The following STOX2 variants were observed in gnomAD, a reference collection of about 807,000 sequenced individuals.
STOX2 encodes storkhead-box protein 2.
STOX2 carries 28 observed loss-of-function variants against 60.9 expected under a neutral mutation model. The ratio of observed to expected loss-of-function variants is 0.46; its 90% confidence interval spans 0.34 to 0.63. The LOEUF is 0.63. Ranked by LOEUF, STOX2 falls within the 30% of genes least tolerant of loss-of-function variation. STOX2 has a pLI of 0.01. For synonymous variants in STOX2, 472 were observed against 463.9 expected (o/e 1.02, Z -0.22); for missense variants, 1,024 against 1,187.7 (o/e 0.86, Z 2.03).
intron 1 of STOX2, among the ~76,000 whole-genome samples, chr4:183,954,990 C>A (rs535515088): frequency 6.6e-6 from 1 of 152,352 alleles, no homozygotes; most frequent in South Asian, 2.1e-4. Flanking sequence ...CTTGAACTAC[C>A]ACGCCCGGCC....
chr4:183,861,573 G>A (rs1740447545), intron 1 of STOX2, among the ~76,000 whole-genome samples: 1 of 152,142 alleles, frequency 6.6e-6, no homozygotes, highest in African/African-American at 2.4e-5. Context: ...CACTGGCTTG[G>A]GATTGCAGTT....
Position 183,856,156 on chromosome 4 carries a change from C to G in STOX2, c.364+58101C>G, listed in dbSNP as rs1740281894. 6.6e-6 allele frequency among the ~76,000 whole-genome samples: 1 copy of G among 152,146 alleles called. No homozygotes were observed. On this transcript the variant is annotated intron_variant, in intron 1 of 2. Transcript: ENST00000513034. The surrounding 1 kb of genome is among the most constrained non-coding windows in gnomAD (Gnocchi z 4.0). ...TCTCGAATAGGCTGGTCACAGATTT[C>G]TAGGACACTGAGGCCCATTTAGTGT...
At chr4:183,952,290 C>A (rs1743119326) in intron 1 of STOX2, among the ~76,000 whole-genome samples, 1 of 152,320 alleles carries the variant, frequency 6.6e-6, no homozygotes, top group East Asian at 1.9e-4. Flanking sequence ...ATCCAGGATT[C>A]ATATACTATT....
At chr4:183,949,971 C>T (rs752608189) in intron 1 of STOX2, among the ~76,000 whole-genome samples, 1 of 152,144 alleles carries the variant, frequency 6.6e-6, no homozygotes, top group Non-Finnish European at 1.5e-5. Flanking sequence ...TTTGAGGGTT[C>T]CTACTGACAG....
intron 1 of STOX2, among the ~76,000 whole-genome samples, chr4:183,945,788 G>T (rs1742869983): frequency 6.6e-6 from 1 of 152,186 alleles, no homozygotes; most frequent in Admixed American, 6.5e-5. Context: ...CTTGTCCTCA[G>T]TCGGTGTGTT....
chr4:183,963,588 G>A (rs1299227099), intron 1 of STOX2, among the ~76,000 whole-genome samples: 8 of 151,306 alleles, frequency 5.3e-5, no homozygotes, highest in Non-Finnish European at 1.2e-4. Flanking sequence ...CACCACACCC[G>A]GCTAATTTTT....
In STOX2 at chr4:184,005,473, A is replaced by AC. The variant is rs1263435704; in HGVS notation, c.320-3685_320-3684insC. Among the ~76,000 whole-genome samples the AC allele has an allele frequency of 4.7e-4, 47 of 100,314 alleles. 3 individuals are homozygous for AC. The highest frequency in any genetic ancestry group is 8.7e-4 in the Non-Finnish European group (35 of 40,302). 65.8% of individuals were successfully genotyped at this position (100,314 alleles called of 152,430 possible). A position where few individuals can be genotyped will look rare whatever the true frequency, so the allele number is the denominator to read the frequency against. On this transcript the variant is annotated intron_variant, in intron 2 of 3. Coordinates refer to ENST00000308497, the MANE Select transcript of STOX2 (RefSeq NM_020225.3). Reference sequence around the variant, plus strand: ...ACGATATCTCAAAAAAAAAAAAAAAAAAATTCATAGGTATAAGTAGACCAC... The same window carrying AC: ...ACGATATCTCAAAAAAAAAAAAAAAACAAATTCATAGGTATAAGTAGACCAC...
At chr4:183,967,753 A>T (rs1472237058) in intron 1 of STOX2, among the ~76,000 whole-genome samples, 1 of 152,258 alleles carries the variant, frequency 6.6e-6, no homozygotes, top group Non-Finnish European at 1.5e-5. Context: ...GATTAAAAAG[A>T]TCATCAACTT....
At chr4:183,946,299 C>G (rs917328258) in intron 1 of STOX2, among the ~76,000 whole-genome samples, 1 of 152,182 alleles carries the variant, frequency 6.6e-6, no homozygotes, top group Non-Finnish European at 1.5e-5. Context: ...TTTCCTCACT[C>G]GCACAGTGAC....
At chr4:183,862,733 C>A (rs1332679870) in intron 1 of STOX2, among the ~76,000 whole-genome samples, 2 of 152,196 alleles carry the variant, frequency 1.3e-5, no homozygotes, top group Non-Finnish European at 2.9e-5. Context: ...GTTTTAAGAT[C>A]AAGGGTAATT....
chr4:183,971,700 T>TA (rs1743747248), intron 1 of STOX2, among the ~76,000 whole-genome samples: 1 of 152,198 alleles, frequency 6.6e-6, no homozygotes, highest in South Asian at 2.1e-4. Flanking sequence ...ATAAAACTTG[T>TA]AAAAAATCTC....
At chr4:183,800,350 T>C (rs549055432) in intron 1 of STOX2, among the ~76,000 whole-genome samples, 2 of 152,270 alleles carry the variant, frequency 1.3e-5, no homozygotes, top group South Asian at 4.1e-4. Context: ...GGATCCTGGC[T>C]GAAACTCTGC....
intron 1 of STOX2, among the ~76,000 whole-genome samples, chr4:183,824,253 T>C (rs943638642): frequency 1.3e-5 from 2 of 152,230 alleles, no homozygotes; most frequent in South Asian, 4.1e-4. Context: ...ATAGCAATTT[T>C]TTTTTCTGGG....
chr4:183,930,655 C>A (rs28548141), intron 1 of STOX2, among the ~76,000 whole-genome samples: 38,286 of 152,114 alleles, frequency 0.25, 9,046 homozygotes, highest in African/African-American at 0.62. Context: ...ATTGCTCTGG[C>A]CATAACTTTT....
At chr4:183,826,764 T>G (rs1206301600) in intron 1 of STOX2, among the ~76,000 whole-genome samples, 1 of 152,236 alleles carries the variant, frequency 6.6e-6, no homozygotes, top group Non-Finnish European at 1.5e-5. Flanking sequence ...ACAAATGCTA[T>G]TTCTCTTTCT....
chr4:183,824,645 A>T (rs1325233495), intron 1 of STOX2, among the ~76,000 whole-genome samples: 1 of 152,370 alleles, frequency 6.6e-6, no homozygotes, highest in East Asian at 1.9e-4. Flanking sequence ...TTTATTTGAC[A>T]TGGGATAAAG....
rs1733073297 is a variant in STOX2, at chr4:183,990,727, T to G, written c.167-10598T>G. ...ATGCATGCCACTCTAGAAGTTGTGATGGTTCTTACCCTGAGACAGTGTCAC... is the reference window on the plus strand; with the variant it reads ...ATGCATGCCACTCTAGAAGTTGTGAGGGTTCTTACCCTGAGACAGTGTCAC... On this transcript the variant is annotated intron_variant, in intron 1 of 3. Transcript: ENST00000308497. Among the ~76,000 whole-genome samples, 4 of 151,770 alleles carry G rather than the reference T, an allele frequency of 2.6e-5. No homozygotes were observed. The South Asian group carries it at 8.3e-4, about 32-fold the overall frequency.
At chr4:183,913,064 G>A (rs778275482) in intron 1 of STOX2, among the ~76,000 whole-genome samples, 12 of 152,234 alleles carry the variant, frequency 7.9e-5, no homozygotes, top group Non-Finnish European at 1.5e-4. Flanking sequence ...GAGAACAGAA[G>A]GACGTTGCTT....
chr4:183,964,248 T>C (rs1743497631), intron 1 of STOX2, among the ~76,000 whole-genome samples: 1 of 152,226 alleles, frequency 6.6e-6, no homozygotes, highest in African/African-American at 2.4e-5. Context: ...TGCTGATTAA[T>C]ATTCAAATGT....
Sources: gnomAD v4.1 joint callset for allele counts (sites outside exome capture counted in the v4.1 genomes callset) on GRCh38, gnomAD v4.1.1 for gene constraint, Gnocchi (gnomAD v3.1) non-coding constraint, MANE v1.5 for transcripts, NCBI Gene and HGNC (gene_info 2026-07-23, HGNC 2026-07-21) for gene names.